Variants in DRC8 observed in about 807,000 individuals in gnomAD.
DRC8 encodes the protein dynein regulatory complex subunit 8, also known as dynein regulatory complex protein 8.
At chr1:245,006,919 G>A in the DRC8 span, among the ~76,000 whole-genome samples, 1 of 151,996 alleles carries the variant, frequency 6.6e-6, no homozygotes, top group African/African-American at 2.4e-5. Flanking sequence ...GGGCAACAGA[G>A]CAAGACTCTG....
the DRC8 span, chr1:245,001,995 G>A: frequency 2.9e-6 from 2 of 687,430 alleles, no homozygotes; most frequent in East Asian, 2.7e-5. Context: ...TTGAAAGCAT[G>A]GTCCTTTCTC....
At chr1:245,085,572 T>G in the DRC8 span, among the ~76,000 whole-genome samples, 5 of 152,292 alleles carry the variant, frequency 3.3e-5, no homozygotes, top group African/African-American at 1.2e-4. Flanking sequence ...AGCAGGAAAT[T>G]AACTTCAGTA....
the DRC8 span, among the ~76,000 whole-genome samples, chr1:245,030,335 T>C: frequency 6.6e-6 from 1 of 152,208 alleles, no homozygotes; most frequent in Non-Finnish European, 1.5e-5. Context: ...AGCAAGTTTC[T>C]TGTAAGGACG....
At chr1:245,084,101 G>A in the DRC8 span, among the ~76,000 whole-genome samples, 1,661 of 115,436 alleles carry the variant, frequency 0.014, 23 homozygotes, top group Non-Finnish European at 0.021. Flanking sequence ...TTTTTGAGAC[G>A]GATCCGGTCT....
the DRC8 span, among the ~76,000 whole-genome samples, chr1:245,058,249 A>G: frequency 3.9e-5 from 6 of 152,132 alleles, no homozygotes; most frequent in South Asian, 1.2e-3. Context: ...TCTAAAAATA[A>G]TAATAATAAT....
At chr1:244,974,278 T>C in the DRC8 span, among the ~76,000 whole-genome samples, 1 of 152,358 alleles carries the variant, frequency 6.6e-6, no homozygotes, top group South Asian at 2.1e-4. Flanking sequence ...GATCTTCTGT[T>C]TGTAATTAGA....
chr1:245,111,331 C>G, the DRC8 span, among the ~76,000 whole-genome samples: 1 of 152,228 alleles, frequency 6.6e-6, no homozygotes, highest in Non-Finnish European at 1.5e-5. Context: ...CAGCCTCTGC[C>G]CACCTGCTGA....
the DRC8 span, among the ~76,000 whole-genome samples, chr1:245,018,082 C>T: frequency 2.0e-5 from 3 of 151,988 alleles, no homozygotes; most frequent in African/African-American, 7.3e-5. Context: ...CAAAAACTAG[C>T]CGGGCACGAT....
chr1:245,121,314 C>T, the DRC8 span, among the ~76,000 whole-genome samples: 1 of 152,216 alleles, frequency 6.6e-6, no homozygotes, highest in African/African-American at 2.4e-5. Context: ...AAGGAATTAA[C>T]TGGCTTATAT....
chr1:245,055,612 C>T, the DRC8 span, among the ~76,000 whole-genome samples: 850 of 152,176 alleles, frequency 5.6e-3, 10 homozygotes, highest in African/African-American at 0.019. Flanking sequence ...TGTGAGCCAC[C>T]GCGCCTGGCC....
the DRC8 span, among the ~76,000 whole-genome samples, chr1:245,119,819 G>A: frequency 0.015 from 2,215 of 152,094 alleles, 26 homozygotes; most frequent in South Asian, 0.019. Context: ...TGTAGTCCCA[G>A]CTACTCGGGA....
the DRC8 span, among the ~76,000 whole-genome samples, chr1:244,975,011 A>G: frequency 6.6e-6 from 1 of 151,872 alleles, no homozygotes; most frequent in Non-Finnish European, 1.5e-5. Context: ...GCTCACTGCA[A>G]GCTCTGCCTC....
chr1:245,061,393 C>T, the DRC8 span, among the ~76,000 whole-genome samples: 1 of 152,116 alleles, frequency 6.6e-6, no homozygotes, highest in African/African-American at 2.4e-5. Flanking sequence ...TTTATTTTTA[C>T]CCTTTTTTAG....
chr1:245,063,977 C>A, the DRC8 span, among the ~76,000 whole-genome samples: 1 of 152,152 alleles, frequency 6.6e-6, no homozygotes, highest in Admixed American at 6.5e-5. Flanking sequence ...CCCTCCTCGG[C>A]CTCCCAAAGT....
the DRC8 span, among the ~76,000 whole-genome samples, chr1:245,075,877 GT>G: frequency 6.6e-6 from 1 of 152,194 alleles, no homozygotes; most frequent in Non-Finnish European, 1.5e-5. Flanking sequence ...GGGATGTGGA[GT>G]TTGGTGGATA....
chr1:245,083,913 G>A, the DRC8 span: 1 of 497,672 alleles, frequency 2.0e-6, no homozygotes, highest in Non-Finnish European at 3.4e-6. Context: ...ATTTTGTGAA[G>A]CACAGTGATT....
chr1:245,021,716 G>A, the DRC8 span, among the ~76,000 whole-genome samples: 242 of 151,996 alleles, frequency 1.6e-3, no homozygotes, highest in African/African-American at 5.6e-3. Flanking sequence ...GATTACAGAC[G>A]TGAGCCACTG....
At chr1:244,988,586 CA>C in the DRC8 span, among the ~76,000 whole-genome samples, 2 of 152,154 alleles carry the variant, frequency 1.3e-5, no homozygotes, top group African/African-American at 4.8e-5. Context: ...GAAATGTCAT[CA>C]GATTCCTATA....
the DRC8 span, chr1:245,083,635 C>T: frequency 1.2e-6 from 2 of 1,609,754 alleles, no homozygotes; most frequent in South Asian, 2.2e-5. Flanking sequence ...TTAGATTCAG[C>T]TAAACGTGGG....
Sources: gnomAD v4.1 joint callset for allele counts (sites outside exome capture counted in the v4.1 genomes callset) on GRCh38, gnomAD v4.1.1 for gene constraint, MANE v1.5 for transcripts, NCBI Gene and HGNC (gene_info 2026-07-23, HGNC 2026-07-21) for gene names.